ST3GAL3: variants seen among roughly 807,000 people sequenced by gnomAD.
ST3GAL3 encodes CMP-N-acetylneuraminate-beta-1,4-galactoside alpha-2,3-sialyltransferase.
A neutral mutation model predicts 50.1 loss-of-function variants in ST3GAL3; 21 were observed. The ratio of observed to expected loss-of-function variants is 0.42; its 90% CI spans 0.30 to 0.60. The LOEUF is 0.60. Among genes scored for constraint, ST3GAL3 ranks in the 20% least tolerant of loss-of-function variants. ST3GAL3 has a pLI of 0.19. For missense variants in ST3GAL3, 353 were observed against 489.4 expected (o/e 0.72, Z 2.63); for synonymous variants, 183 against 190.0 (o/e 0.96, Z 0.30).
chr1:43,898,200 A>T (rs1339592964), intron 6 of ST3GAL3, 35 bp from the exon 7 acceptor site: 15 of 1,609,264 alleles, frequency 9.3e-6, no homozygotes, highest in Non-Finnish European at 1.1e-5. Context: ...AAGGTAAGTG[A>T]CCCTGTAACA....
intron 9 of ST3GAL3, among the ~76,000 whole-genome samples, chr1:43,904,763 CTCCTGCTCCTCT>C (rs1415260495): frequency 6.6e-4 from 100 of 150,760 alleles, no homozygotes; most frequent in Non-Finnish European, 1.1e-3. Flanking sequence ...CTCTCCCCTC[CTCCTGCTCCTCT>C]TCCTGCCACT....
intron 2 of ST3GAL3, among the ~76,000 whole-genome samples, chr1:43,765,753 C>CTGTGTGTGTGTGTGTGTGTG (rs778848698): frequency 8.6e-6 from 1 of 115,720 alleles, no homozygotes; most frequent in Non-Finnish European, 1.9e-5. Flanking sequence ...CTGTGTGTGT[C>CTGTGTGTGTGTGTGTGTGTG]TGTGTGTGTG....
At chr1:43,929,349 G>A (rs1314794055) in intron 11 of ST3GAL3, among the ~76,000 whole-genome samples, 1 of 151,062 alleles carries the variant, frequency 6.6e-6, no homozygotes, top group African/African-American at 2.4e-5. Flanking sequence ...CTGTTGCCCA[G>A]GCTGGAGTGC....
At chr1:43,777,111 T>A (rs1380881916) in intron 2 of ST3GAL3, among the ~76,000 whole-genome samples, 1 of 152,196 alleles carries the variant, frequency 6.6e-6, no homozygotes, top group Admixed American at 6.5e-5. Flanking sequence ...ATCTTTTTTA[T>A]TATTTGGGTT....
At chr1:43,852,813 T>C (rs1469031851) in intron 5 of ST3GAL3, among the ~76,000 whole-genome samples, 3 of 152,224 alleles carry the variant, frequency 2.0e-5, no homozygotes, top group South Asian at 2.1e-4. Flanking sequence ...ATTTCACTCA[T>C]TAGTCAAGAG....
At chr1:43,883,315 A>G (rs2075460033) in intron 5 of ST3GAL3, among the ~76,000 whole-genome samples, 1 of 152,136 alleles carries the variant, frequency 6.6e-6, no homozygotes, top group African/African-American at 2.4e-5. Flanking sequence ...CTGATTGGTC[A>G]GCCCAGACAT....
chr1:43,767,985 A>T (rs1241385732), intron 2 of ST3GAL3, among the ~76,000 whole-genome samples: 1 of 152,194 alleles, frequency 6.6e-6, no homozygotes, highest in African/African-American at 2.4e-5. Context: ...GAAGTTAGAA[A>T]ATGTAGAGCA....
chr1:43,899,093 C>T lies in ST3GAL3; in HGVS notation c.462-75C>T. The T allele has an allele frequency of 6.2e-7, 1 of 1,605,890 alleles. No individual in the cohort carries two copies. Among genetic ancestry groups the T allele is most frequent in the Middle Eastern group, 1.9e-4 (1 of 5,244 alleles). ...CTGGTCCTGGACAAGGGCGTGGGGT[C>T]AAGGGCCAAAGGAGCAGGGAAAGAG... On this transcript the variant is annotated intron_variant, in intron 7 of 11. Coordinates refer to ENST00000347631, the MANE Select transcript of ST3GAL3 (RefSeq NM_006279.5). This position sits in a 1 kb window ranked among gnomAD's most constrained non-coding sequence, Gnocchi z 5.4.
chr1:43,794,674 C>T (rs1489870436), intron 3 of ST3GAL3, among the ~76,000 whole-genome samples: 3 of 152,008 alleles, frequency 2.0e-5, no homozygotes, highest in Admixed American at 6.5e-5. Context: ...CAAAAACAAT[C>T]CAAATACCTA....
At chr1:43,889,944 C>T (rs1231838004) in intron 5 of ST3GAL3, among the ~76,000 whole-genome samples, 1 of 152,106 alleles carries the variant, frequency 6.6e-6, no homozygotes, top group Non-Finnish European at 1.5e-5. Flanking sequence ...TAGTGAGACT[C>T]CATCTCTACA....
At chr1:43,765,800 C>CGT (rs1558204153) in intron 2 of ST3GAL3, among the ~76,000 whole-genome samples, 2 of 143,266 alleles carry the variant, frequency 1.4e-5, no homozygotes, top group Non-Finnish European at 3.0e-5. Flanking sequence ...CGCGCGCGCG[C>CGT]GTCCGCGCGT....
chr1:43,918,355 C>G (rs1210823607), intron 9 of ST3GAL3, among the ~76,000 whole-genome samples: 1 of 151,528 alleles, frequency 6.6e-6, no homozygotes, highest in East Asian at 2.0e-4. Flanking sequence ...TGGGCTCAAG[C>G]AATCCACCTG....
chr1:43,824,725 T>C, intron 4 of ST3GAL3: 4 of 1,614,010 alleles, frequency 2.5e-6, no homozygotes, highest in Non-Finnish European at 3.4e-6. Context: ...AATTCCCACT[T>C]TGCAGCTCAC....
rs140036201 is a variant in ST3GAL3, at chr1:43,802,247, A to G, written c.166+10098A>G. On this transcript the variant is annotated intron_variant, in intron 3 of 11. Coordinates refer to ENST00000347631, the MANE Select transcript of ST3GAL3 (RefSeq NM_006279.5). ...TTAAAAAATACTCAGTTATCATCAAAAACTCACACAAATAACTGACAAAAA... is the reference window on the plus strand; with the variant it reads ...TTAAAAAATACTCAGTTATCATCAAGAACTCACACAAATAACTGACAAAAA... Among the ~76,000 whole-genome samples, 248 of 152,308 alleles carry G rather than the reference A, an allele frequency of 1.6e-3. 1 individual carries two copies. Among genetic ancestry groups the G allele is most frequent in the Non-Finnish European group, 2.7e-3 (182 of 68,024 alleles).
chr1:43,716,761 A>G (rs141770321), intron 1 of ST3GAL3, among the ~76,000 whole-genome samples: 14 of 152,316 alleles, frequency 9.2e-5, no homozygotes, highest in Middle Eastern at 3.4e-3. Flanking sequence ...GCCGGTGTCC[A>G]TGAAATTAAA....
intron 2 of ST3GAL3, among the ~76,000 whole-genome samples, chr1:43,785,980 A>G (rs1305487480): frequency 6.6e-6 from 1 of 152,114 alleles, no homozygotes; most frequent in African/African-American, 2.4e-5. Context: ...CTCATGTCCC[A>G]TCAGTCACTA....
rs367570649 is a variant in ST3GAL3 at position 43,747,467 on chromosome 1, G to A, written c.118+11087G>A. Among the ~76,000 whole-genome samples the A allele has an allele frequency of 2.0e-5, 3 of 152,058 alleles. No individual in the cohort carries two copies. The East Asian group carries it at 5.8e-4, about 29-fold the overall frequency. The stretch of plus-strand genomic sequence containing the variant: ...CCTGGGGTGAAGGATGGGGAAACGG[G>A]CCCAGGGCTTCCATGCTGTCTCCAG... On this transcript the variant is annotated intron_variant, in intron 2 of 11. Coordinates refer to ENST00000347631, the MANE Select transcript of ST3GAL3 (RefSeq NM_006279.5).
chr1:43,777,951 C>A (rs890211928), intron 2 of ST3GAL3, among the ~76,000 whole-genome samples: 2 of 152,144 alleles, frequency 1.3e-5, no homozygotes, highest in African/African-American at 4.8e-5. Flanking sequence ...AAATATAAAT[C>A]ATTCTATTAT....
intron 1 of ST3GAL3, among the ~76,000 whole-genome samples, chr1:43,715,163 G>A (rs1309483376): frequency 6.6e-6 from 1 of 151,954 alleles, no homozygotes; most frequent in African/African-American, 2.4e-5. Context: ...CTTTGGTCTC[G>A]GGATTCCCTT....
Sources: allele counts gnomAD v4.1 joint callset (sites outside exome capture counted in the v4.1 genomes callset), GRCh38; gene constraint gnomAD v4.1.1; non-coding constraint Gnocchi (gnomAD v3.1); transcripts MANE v1.5; gene names NCBI Gene and HGNC (gene_info 2026-07-23, HGNC 2026-07-21).